The following WWOX variants were observed in gnomAD, a reference collection of about 807,000 sequenced individuals.
The protein encoded by WWOX is WW domain-containing oxidoreductase.
A neutral mutation model predicts 46.2 loss-of-function variants in WWOX; 69 were observed. That is an observed-to-expected ratio of 1.49 (90% CI 1.23 to 1.82). WWOX has a LOEUF of 1.82. Among genes scored for constraint, WWOX ranks in the 40% most tolerant of loss-of-function variants. The pLI is 0.00. For missense variants in WWOX, 919 were observed against 542.6 expected (o/e 1.69, Z -6.89); for synonymous variants, 359 against 202.6 (o/e 1.77, Z -6.56).
chr16:78,322,404 C>G (rs1004703713), intron 5 of WWOX, among the ~76,000 whole-genome samples: 1 of 152,172 alleles, frequency 6.6e-6, no homozygotes, highest in Non-Finnish European at 1.5e-5. Context: ...ATGACTAGCA[C>G]TCACTGAGTG....
chr16:79,052,196 C>G (rs563162241), intron 8 of WWOX, among the ~76,000 whole-genome samples: 7 of 151,426 alleles, frequency 4.6e-5, no homozygotes, highest in Admixed American at 2.0e-4. Context: ...CCCTTCCCCC[C>G]ACCCCACCAC....
chr16:78,108,158 C>T (rs1033615052), intron 1 of WWOX, among the ~76,000 whole-genome samples: 7 of 151,284 alleles, frequency 4.6e-5, no homozygotes, highest in African/African-American at 7.3e-5. Flanking sequence ...CATCTCCTGA[C>T]CTTGTGATCT....
intron 8 of WWOX, among the ~76,000 whole-genome samples, chr16:78,905,657 A>G (rs886406279): frequency 5.3e-5 from 8 of 152,212 alleles, no homozygotes; most frequent in African/African-American, 1.9e-4. Context: ...TGCTGGGATT[A>G]GATGCATGAG....
chr16:79,179,347 C>G (rs1392419837), intron 8 of WWOX, among the ~76,000 whole-genome samples: 1 of 152,150 alleles, frequency 6.6e-6, no homozygotes, highest in African/African-American at 2.4e-5. Context: ...GTACTCTTAG[C>G]AAATCACGCC....
At position 79,076,602 on chromosome 16, in the gene WWOX, C is replaced by T. The variant is rs145256751; in HGVS notation, c.1057-135006C>T. ...CAGCCTATCCAGGCCCCTTCATGACCCAGTCACAGTGATTCTATCTGTACC... is the reference window on the plus strand; with the variant it reads ...CAGCCTATCCAGGCCCCTTCATGACTCAGTCACAGTGATTCTATCTGTACC... On this transcript the variant is annotated intron_variant, in intron 8 of 8. Transcript: ENST00000566780. Among the ~76,000 whole-genome samples, 1,110 of 152,276 alleles carry T rather than the reference C, an allele frequency of 7.3e-3. 9 individuals carry two copies. The highest frequency in any genetic ancestry group is 0.013 in the Non-Finnish European group (878 of 68,026).
chr16:78,131,953 T>G (rs1456761979), intron 4 of WWOX, among the ~76,000 whole-genome samples: 1 of 151,686 alleles, frequency 6.6e-6, no homozygotes, highest in Non-Finnish European at 1.5e-5. Context: ...TAAAAAGAAC[T>G]TTTGCTATTT....
intron 8 of WWOX, among the ~76,000 whole-genome samples, chr16:78,514,656 A>G (rs1035723051): frequency 6.6e-6 from 1 of 152,198 alleles, no homozygotes; most frequent in African/African-American, 2.4e-5. Flanking sequence ...TAAAAAATGC[A>G]TTTAGTGTTG....
At chr16:78,996,601 A>C (rs536013902) in intron 8 of WWOX, among the ~76,000 whole-genome samples, 1 of 152,244 alleles carries the variant, frequency 6.6e-6, no homozygotes, top group South Asian at 2.1e-4. Flanking sequence ...AGTTTACAAC[A>C]GTATTTAGAT....
chr16:78,178,603 C>T (rs752242590), intron 5 of WWOX, among the ~76,000 whole-genome samples: 5 of 152,166 alleles, frequency 3.3e-5, no homozygotes, highest in African/African-American at 9.7e-5. Flanking sequence ...CGGTGGCTCA[C>T]GCCTGTAATC....
At chr16:78,670,367 C>A (rs570578747) in intron 8 of WWOX, among the ~76,000 whole-genome samples, 1 of 152,118 alleles carries the variant, frequency 6.6e-6, no homozygotes, top group African/African-American at 2.4e-5. Flanking sequence ...TGGTTCATCC[C>A]GGAAATATGC....
intron 8 of WWOX, among the ~76,000 whole-genome samples, chr16:78,521,488 C>A (rs979995951): frequency 6.6e-6 from 1 of 152,032 alleles, no homozygotes; most frequent in Non-Finnish European, 1.5e-5. Flanking sequence ...AACGCCAGTA[C>A]CTGCCACCTG....
chr16:78,301,531 A>T (rs1183563478), intron 5 of WWOX, among the ~76,000 whole-genome samples: 1 of 152,158 alleles, frequency 6.6e-6, no homozygotes, highest in Non-Finnish European at 1.5e-5. Context: ...TCCTTTGGTG[A>T]AACATGGGAG....
At chr16:78,928,078 C>T (rs927818092) in intron 8 of WWOX, among the ~76,000 whole-genome samples, 4 of 152,128 alleles carry the variant, frequency 2.6e-5, no homozygotes, top group African/African-American at 7.2e-5. Context: ...ATACTGTGGT[C>T]GCCTGGACTT....
chr16:78,466,611 C>T (rs911931554), intron 8 of WWOX, among the ~76,000 whole-genome samples: 1 of 152,110 alleles, frequency 6.6e-6, no homozygotes, highest in African/African-American at 2.4e-5. Flanking sequence ...GGGTGGATCA[C>T]TTGAGGTCAG....
At chr16:78,932,960 T>A (rs924503412) in intron 8 of WWOX, among the ~76,000 whole-genome samples, 5 of 152,172 alleles carry the variant, frequency 3.3e-5, no homozygotes, top group African/African-American at 1.2e-4. Flanking sequence ...GGTTGAAACA[T>A]CAGTGTTGAA....
chr16:79,088,878 C>T (rs1446270631), intron 8 of WWOX, among the ~76,000 whole-genome samples: 2 of 152,172 alleles, frequency 1.3e-5, no homozygotes, highest in East Asian at 3.9e-4. Flanking sequence ...GCTTACTGAA[C>T]ATATTGATCA....
At chr16:78,485,637 A>G (rs1567600550) in intron 8 of WWOX, among the ~76,000 whole-genome samples, 1 of 152,194 alleles carries the variant, frequency 6.6e-6, no homozygotes, top group Non-Finnish European at 1.5e-5. Flanking sequence ...TTGAAAGAGC[A>G]CTGCCCGCCG....
At chr16:79,207,134 C>T (rs967014976) in intron 8 of WWOX, among the ~76,000 whole-genome samples, 2 of 152,112 alleles carry the variant, frequency 1.3e-5, no homozygotes, top group Non-Finnish European at 2.9e-5. Flanking sequence ...CCACCTGTGA[C>T]ATGAGGGCTC....
chr16:78,296,928 AT>A (rs201827670), intron 5 of WWOX, among the ~76,000 whole-genome samples: 1 of 151,842 alleles, frequency 6.6e-6, no homozygotes, highest in African/African-American at 2.4e-5. Flanking sequence ...TGAGCAATTC[AT>A]TTTTTTTGGA....
Sources: gnomAD v4.1 joint callset for allele counts (sites outside exome capture counted in the v4.1 genomes callset) on GRCh38, gnomAD v4.1.1 for gene constraint, MANE v1.5 for transcripts, NCBI Gene and HGNC (gene_info 2026-07-23, HGNC 2026-07-21) for gene names.